Variants in KCNH1 observed in about 807,000 individuals in gnomAD.
KCNH1 encodes voltage-gated delayed rectifier potassium channel KCNH1.
A neutral mutation model predicts 69.2 loss-of-function variants in KCNH1; 27 were observed. That is an observed-to-expected ratio of 0.39 (90% CI 0.29 to 0.54). The LOEUF (loss-of-function observed/expected upper bound fraction) is 0.54. Among genes scored for constraint, KCNH1 ranks in the 20% least tolerant of loss-of-function variants. The probability of loss-of-function intolerance (pLI) is 0.68; values close to 1 mark genes in which losing one functional copy is unlikely to be tolerated. For missense variants in KCNH1, 798 were observed against 1,261.6 expected (o/e 0.63, Z 5.57); for synonymous variants, 456 against 487.7 (o/e 0.93, Z 0.86).
At chr1:211,040,382 C>G (rs1007347069) in intron 5 of KCNH1, among the ~76,000 whole-genome samples, 2 of 152,090 alleles carry the variant, frequency 1.3e-5, no homozygotes, top group Non-Finnish European at 2.9e-5. Flanking sequence ...ATTGTGGGAG[C>G]CATTCTTTCC....
intron 6 of KCNH1, among the ~76,000 whole-genome samples, chr1:210,953,988 T>C (rs1440233982): frequency 1.3e-5 from 2 of 152,164 alleles, no homozygotes; most frequent in African/African-American, 4.8e-5. Flanking sequence ...ATGTTGGTTT[T>C]CTGCACCCAT....
At chr1:211,073,019 T>C (rs966863527) in intron 5 of KCNH1, among the ~76,000 whole-genome samples, 2 of 151,976 alleles carry the variant, frequency 1.3e-5, no homozygotes, top group Non-Finnish European at 2.9e-5. Context: ...GATTAAAAAG[T>C]AAAGAGATGG....
chr1:210,981,372 C>CAAAAAAAAAAAAAAAAAA, intron 6 of KCNH1, among the ~76,000 whole-genome samples: 1 of 85,496 alleles, frequency 1.2e-5, no homozygotes, highest in Non-Finnish European at 2.1e-5. Flanking sequence ...GTAACAACGA[C>CAAAAAAAAAAAAAAAAAA]AAAAAAAAAA....
intron 7 of KCNH1, among the ~76,000 whole-genome samples, chr1:210,864,527 G>T (rs1019131649): frequency 7.9e-5 from 12 of 152,204 alleles, no homozygotes; most frequent in Non-Finnish European, 1.8e-4. Context: ...AGCTGCCACT[G>T]CTCACAGTAA....
rs1681230295 is a variant in KCNH1 at position 210,680,238 on chromosome 1, C to T, written c.*3043G>A. On this transcript the variant is annotated 3_prime_UTR_variant, in exon 11 of 11. Transcript: ENST00000271751. ...AGCAGCCAAGTGACAGGGACAGGAC[C>T]TACCCTCTTCAAAGCAGCCTGTCAG... 1 of 152,192 alleles carries T rather than the reference C, an allele frequency of 6.6e-6. No homozygotes were observed. Among genetic ancestry groups the T allele is most frequent in the African/African-American group, 2.4e-5 (1 of 41,418 alleles). 9.4% of individuals were successfully genotyped at this position (152,192 alleles called of 1,614,324 possible). A position where few individuals can be genotyped will look rare whatever the true frequency, so the allele number is the denominator to read the frequency against.
At chr1:210,751,808 A>G (rs1683289898) in intron 10 of KCNH1, among the ~76,000 whole-genome samples, 1 of 152,130 alleles carries the variant, frequency 6.6e-6, no homozygotes, top group African/African-American at 2.4e-5. Context: ...TAAAAATATG[A>G]ATAAAGCCCC....
chr1:210,835,952 A>G (rs1039187247), intron 7 of KCNH1, among the ~76,000 whole-genome samples: 1 of 151,940 alleles, frequency 6.6e-6, no homozygotes, highest in Non-Finnish European at 1.5e-5. Flanking sequence ...CAACATAGTG[A>G]AACCCCATCT....
At chr1:210,824,176 G>T (rs2102430193) in intron 7 of KCNH1, among the ~76,000 whole-genome samples, 1 of 151,634 alleles carries the variant, frequency 6.6e-6, no homozygotes, top group East Asian at 1.9e-4. Flanking sequence ...CTTAAATCTG[G>T]GTTCCAAATT....
At chr1:210,697,449 C>T (rs2149008792) in intron 10 of KCNH1, among the ~76,000 whole-genome samples, 1 of 152,296 alleles carries the variant, frequency 6.6e-6, no homozygotes, top group East Asian at 1.9e-4. Context: ...TCAACTTTTC[C>T]CTCAGGAGTC....
intron 7 of KCNH1, among the ~76,000 whole-genome samples, chr1:210,831,713 C>T (rs991167358): frequency 6.6e-6 from 1 of 152,230 alleles, no homozygotes; most frequent in South Asian, 2.1e-4. Context: ...TCCTCTGTTA[C>T]TGACCAGCTC....
chr1:210,943,191 C>A (rs1687903270), intron 6 of KCNH1, among the ~76,000 whole-genome samples: 1 of 152,124 alleles, frequency 6.6e-6, no homozygotes, highest in Non-Finnish European at 1.5e-5. Context: ...TGAAAACAAA[C>A]AATGAAATCA....
chr1:210,838,487 C>T (rs2102449807), intron 7 of KCNH1, among the ~76,000 whole-genome samples: 1 of 152,160 alleles, frequency 6.6e-6, no homozygotes, highest in South Asian at 2.1e-4. Flanking sequence ...CTAGGCAATA[C>T]CATTCAGGAC....
intron 5 of KCNH1, among the ~76,000 whole-genome samples, chr1:211,039,089 T>G (rs775801821): frequency 2.9e-4 from 44 of 152,300 alleles, no homozygotes; most frequent in Admixed American, 2.2e-3. Flanking sequence ...CCAGGGTCCC[T>G]GTGCTGTGTG....
At chr1:210,985,930 A>G (rs1158121801) in intron 6 of KCNH1, among the ~76,000 whole-genome samples, 1 of 152,170 alleles carries the variant, frequency 6.6e-6, no homozygotes, top group Non-Finnish European at 1.5e-5. Context: ...GTCTCTTTCT[A>G]GGTCGCTAAG....
chr1:210,863,402 T>C (rs1484775550), intron 7 of KCNH1, among the ~76,000 whole-genome samples: 1 of 152,198 alleles, frequency 6.6e-6, no homozygotes, highest in Non-Finnish European at 1.5e-5. Context: ...GAGTACAAGA[T>C]TACTAGCAGG....
At chr1:211,120,584 A>G (rs1225879254) in intron 1 of KCNH1, among the ~76,000 whole-genome samples, 8 of 152,160 alleles carry the variant, frequency 5.3e-5, no homozygotes, top group Admixed American at 5.2e-4. Flanking sequence ...AAAGTCTTAG[A>G]CCATAATTGA....
rs1215775297 is a variant in KCNH1, at chr1:211,059,351, C to T, written c.558+23429G>A. Reference sequence around the variant, plus strand: ...GATAAATGAGTCAAATGATAAGAGTCGATTTAGCCAGAGGATATAACAATT... The same window carrying T: ...GATAAATGAGTCAAATGATAAGAGTTGATTTAGCCAGAGGATATAACAATT... On this transcript the variant is annotated intron_variant, in intron 5 of 10. Transcript: ENST00000271751. 3.3e-5 allele frequency among the ~76,000 whole-genome samples: 5 copies of T among 151,562 alleles called. No individual in the cohort carries two copies. The East Asian group carries it at 9.8e-4, about 30-fold the overall frequency.
At chr1:210,959,229 A>G (rs765016391) in intron 6 of KCNH1, among the ~76,000 whole-genome samples, 4 of 152,122 alleles carry the variant, frequency 2.6e-5, no homozygotes, top group Non-Finnish European at 4.4e-5. Context: ...TGTATGCCTG[A>G]GTATCACCAG....
At chr1:210,913,797 G>A (rs1687283353) in intron 7 of KCNH1, among the ~76,000 whole-genome samples, 1 of 152,140 alleles carries the variant, frequency 6.6e-6, no homozygotes. Context: ...TTTCTACTCA[G>A]GCACATGACC....
Sources: gnomAD v4.1 joint callset for allele counts (sites outside exome capture counted in the v4.1 genomes callset) on GRCh38, gnomAD v4.1.1 for gene constraint, MANE v1.5 for transcripts, NCBI Gene and HGNC (gene_info 2026-07-23, HGNC 2026-07-21) for gene names.